Variants in CTNND2 observed in about 807,000 individuals in gnomAD.
CTNND2 encodes catenin delta-2.
Under a neutral mutation model 144.4 loss-of-function variants are expected in CTNND2, and 22 were observed. That is an observed-to-expected ratio of 0.15 (90% CI 0.11 to 0.22). The LOEUF (loss-of-function observed/expected upper bound fraction) is 0.22, where lower values mean the gene tolerates loss of function less well. Ranked by LOEUF, CTNND2 falls within the 10% of genes least tolerant of loss-of-function variation. The pLI, the probability that CTNND2 is intolerant of heterozygous loss-of-function variation, is 1.00. For missense variants in CTNND2, 1,353 were observed against 1,618.8 expected (o/e 0.84, Z 2.82); for synonymous variants, 751 against 695.6 (o/e 1.08, Z -1.25).
chr5:11,038,393 A>T, intron 16 of CTNND2, among the ~76,000 whole-genome samples: 1 of 152,224 alleles, frequency 6.6e-6, no homozygotes, highest in East Asian at 1.9e-4. Flanking sequence ...TAGGTTGCAC[A>T]CGCCTTATGA....
intron 2 of CTNND2, among the ~76,000 whole-genome samples, chr5:11,596,510 C>A (rs914145913): frequency 6.6e-6 from 1 of 152,100 alleles, no homozygotes; most frequent in Admixed American, 6.5e-5. Flanking sequence ...GCCAAAGAGA[C>A]TACTTTAAAA....
intron 2 of CTNND2, among the ~76,000 whole-genome samples, chr5:11,690,740 CTCAAAAAAAA>C (rs1250434192): frequency 1.9e-5 from 1 of 52,952 alleles, no homozygotes; most frequent in African/African-American, 9.1e-5. Context: ...GAGACTCCGT[CTCAAAAAAAA>C]AAAAAAAAAA....
chr5:11,343,433 A>G (rs1244951144), intron 9 of CTNND2, among the ~76,000 whole-genome samples: 3 of 152,154 alleles, frequency 2.0e-5, no homozygotes, highest in Non-Finnish European at 4.4e-5. Context: ...CCAATAAGCA[A>G]TCGATCAGGG....
intron 1 of CTNND2, among the ~76,000 whole-genome samples, chr5:11,849,730 G>A (rs533062251): frequency 1.1e-4 from 16 of 152,106 alleles, no homozygotes; most frequent in South Asian, 4.1e-4. Context: ...GAAGTGTCCC[G>A]GATGATTCTC....
intron 9 of CTNND2, among the ~76,000 whole-genome samples, chr5:11,290,968 C>T (rs1416998502): frequency 6.6e-6 from 1 of 152,148 alleles, no homozygotes; most frequent in Non-Finnish European, 1.5e-5. Context: ...TAACACGTCA[C>T]CTATATTGGA....
chr5:11,027,854 G>T (rs147945730), intron 16 of CTNND2, among the ~76,000 whole-genome samples: 129 of 152,330 alleles, frequency 8.5e-4, no homozygotes, highest in South Asian at 2.9e-3. Flanking sequence ...GTGCAGAAAG[G>T]AGCTGGTGGG....
chr5:11,712,218 C>CT (rs1288901672), intron 2 of CTNND2, among the ~76,000 whole-genome samples: 1 of 152,098 alleles, frequency 6.6e-6, no homozygotes, highest in Non-Finnish European at 1.5e-5. Context: ...GAGAAAAAGG[C>CT]TTTAACCTTT....
chr5:11,461,961 T>C (rs186453608), intron 3 of CTNND2, among the ~76,000 whole-genome samples: 82 of 152,192 alleles, frequency 5.4e-4, no homozygotes, highest in African/African-American at 2.0e-3. Context: ...CTAGGTTATA[T>C]TGAGTCTTAG....
At chr5:11,690,838 T>G (rs1052242838) in intron 2 of CTNND2, among the ~76,000 whole-genome samples, 1 of 151,534 alleles carries the variant, frequency 6.6e-6, no homozygotes, top group Non-Finnish European at 1.5e-5. Context: ...TTATAATTAT[T>G]ATATAAAATA....
intron 3 of CTNND2, among the ~76,000 whole-genome samples, chr5:11,554,911 A>G (rs1005326899): frequency 1.5e-5 from 1 of 66,184 alleles, no homozygotes; most frequent in African/African-American, 3.8e-5. Flanking sequence ...TAAATCAATT[A>G]TATATATAAA....
intron 10 of CTNND2, among the ~76,000 whole-genome samples, chr5:11,226,880 C>T (rs1221355303): frequency 2.0e-5 from 3 of 152,220 alleles, no homozygotes; most frequent in Non-Finnish European, 4.4e-5. Context: ...AACTTTATAG[C>T]TGCTCAGTGA....
At chr5:11,028,982 T>A (rs1743164017) in intron 16 of CTNND2, among the ~76,000 whole-genome samples, 1 of 152,252 alleles carries the variant, frequency 6.6e-6, no homozygotes, top group African/African-American at 2.4e-5. Context: ...GTGCTGGCAG[T>A]ACAGGCGTGA....
intron 1 of CTNND2, among the ~76,000 whole-genome samples, chr5:11,875,048 C>T (rs1735456541): frequency 2.0e-5 from 3 of 152,092 alleles, no homozygotes; most frequent in African/African-American, 7.2e-5. Context: ...GAATTCTGAC[C>T]TCATATAGTA....
At chr5:11,895,019 G>A (rs536547737) in intron 1 of CTNND2, among the ~76,000 whole-genome samples, 3 of 152,298 alleles carry the variant, frequency 2.0e-5, no homozygotes, top group Admixed American at 6.5e-5. Context: ...CCAGAGAGAA[G>A]GAGTGTGTGC....
chr5:11,900,345 C>T (rs924472921), intron 1 of CTNND2, among the ~76,000 whole-genome samples: 5 of 152,178 alleles, frequency 3.3e-5, no homozygotes, highest in Admixed American at 3.3e-4. Context: ...GGTGTCATAA[C>T]TGCAGATTTT....
intron 1 of CTNND2, among the ~76,000 whole-genome samples, chr5:11,736,025 G>A (rs529869056): frequency 2.0e-5 from 3 of 151,996 alleles, no homozygotes; most frequent in Non-Finnish European, 4.4e-5. Flanking sequence ...ACATATTTTT[G>A]ACAAAGAAAT....
intron 19 of CTNND2, 130 bp downstream of exon 19, chr5:10,992,421 A>G: frequency 1.5e-6 from 2 of 1,312,674 alleles, no homozygotes; most frequent in Admixed American, 3.6e-5. Context: ...GAACAGATTC[A>G]TTTCCTACTT....
At chr5:11,541,840 C>CA (rs1189909708) in intron 3 of CTNND2, among the ~76,000 whole-genome samples, 2 of 88,386 alleles carry the variant, frequency 2.3e-5, no homozygotes, top group Non-Finnish European at 4.8e-5. Context: ...TATTATCGAC[C>CA]CCCCCCCCCC....
intron 3 of CTNND2, among the ~76,000 whole-genome samples, chr5:11,436,705 T>A (rs1254288558): frequency 1.3e-5 from 2 of 152,204 alleles, no homozygotes; most frequent in African/African-American, 4.8e-5. Flanking sequence ...AACAAAGGAT[T>A]TCAAAAATTT....
Sources: gnomAD v4.1 joint callset for allele counts (sites outside exome capture counted in the v4.1 genomes callset) on GRCh38, gnomAD v4.1.1 for gene constraint, MANE v1.5 for transcripts, NCBI Gene and HGNC (gene_info 2026-07-23, HGNC 2026-07-21) for gene names.